DPP10: variants seen among roughly 807,000 people sequenced by gnomAD.
DPP10 encodes dipeptidyl peptidase like 10.
A neutral mutation model predicts 120.9 loss-of-function variants in DPP10; 33 were observed. That is an observed-to-expected ratio of 0.27 (90% CI 0.21 to 0.37). DPP10 has a LOEUF of 0.37. Among genes scored for constraint, DPP10 ranks in the 10% least tolerant of loss-of-function variants. The probability of loss-of-function intolerance (pLI) is 1.00; values close to 1 mark genes in which losing one functional copy is unlikely to be tolerated. For synonymous variants in DPP10, 337 were observed against 326.1 expected (o/e 1.03, Z -0.36); for missense variants, 816 against 942.8 (o/e 0.87, Z 1.76).
At chr2:115,776,862 GTT>G (rs5833636) in intron 13 of DPP10, among the ~76,000 whole-genome samples, 14,651 of 149,502 alleles carry the variant, frequency 0.098, 808 homozygotes, top group Non-Finnish European at 0.12. Flanking sequence ...GTTCTAAAAT[GTT>G]TTTTTTTTTT....
At chr2:115,236,165 A>G (rs183493342) in intron 1 of DPP10, among the ~76,000 whole-genome samples, 4 of 152,338 alleles carry the variant, frequency 2.6e-5, no homozygotes, top group Admixed American at 1.3e-4. Context: ...ACAGTATGCT[A>G]TACATTGTCA....
chr2:115,771,463 A>G (rs934334731), intron 13 of DPP10, among the ~76,000 whole-genome samples: 7 of 152,208 alleles, frequency 4.6e-5, no homozygotes, highest in African/African-American at 1.7e-4. Flanking sequence ...AAAAGCCCTT[A>G]TAAACACTTT....
chr2:115,541,013 T>G (rs10210316), intron 5 of DPP10, among the ~76,000 whole-genome samples: 31,201 of 151,682 alleles, frequency 0.21, 4,429 homozygotes, highest in African/African-American at 0.39. Flanking sequence ...TTGTATTTAT[T>G]GAAGGGATGC....
At chr2:114,572,844 T>G (rs1689761108) in intron 1 of DPP10, among the ~76,000 whole-genome samples, 1 of 152,234 alleles carries the variant, frequency 6.6e-6, no homozygotes, top group African/African-American at 2.4e-5. Context: ...GAGATTCATA[T>G]CACAGCTTTT....
At chr2:114,943,259 A>G (rs573924415) in intron 1 of DPP10, among the ~76,000 whole-genome samples, 11 of 152,150 alleles carry the variant, frequency 7.2e-5, no homozygotes, top group African/African-American at 2.6e-4. Flanking sequence ...ATGGTATTCC[A>G]TGTCGTATAT....
At chr2:115,596,177 A>AT (rs1226301757) in intron 5 of DPP10, among the ~76,000 whole-genome samples, 1 of 152,164 alleles carries the variant, frequency 6.6e-6, no homozygotes, top group Non-Finnish European at 1.5e-5. Context: ...AATATCACAC[A>AT]TAAATATCAC....
chr2:115,306,320 G>T (rs2061357738), intron 1 of DPP10, among the ~76,000 whole-genome samples: 1 of 152,072 alleles, frequency 6.6e-6, no homozygotes. Flanking sequence ...GCATATGAAA[G>T]GGGTTGGATG....
intron 21 of DPP10, among the ~76,000 whole-genome samples, chr2:115,824,457 G>T (rs1325787839): frequency 6.6e-6 from 1 of 152,026 alleles, no homozygotes; most frequent in Non-Finnish European, 1.5e-5. Flanking sequence ...TTGTCCTAAT[G>T]ATCTCCTTTC....
intron 5 of DPP10, among the ~76,000 whole-genome samples, chr2:115,673,751 C>T (rs182527782): frequency 1.3e-4 from 20 of 152,306 alleles, no homozygotes; most frequent in Admixed American, 7.8e-4. Flanking sequence ...TGTGATATAG[C>T]ACTGGGAGGA....
At chr2:115,707,672 G>T (rs1472285533) in intron 7 of DPP10, among the ~76,000 whole-genome samples, 1 of 151,568 alleles carries the variant, frequency 6.6e-6, no homozygotes. Context: ...TATGGGACTA[G>T]TAAAATAAAC....
At chr2:114,703,750 A>G (rs1352845899) in intron 1 of DPP10, among the ~76,000 whole-genome samples, 1 of 152,174 alleles carries the variant, frequency 6.6e-6, no homozygotes, top group Non-Finnish European at 1.5e-5. Flanking sequence ...GTCTGGTTCC[A>G]TAAAATAGAA....
At chr2:114,676,515 A>G (rs1398510970) in intron 1 of DPP10, among the ~76,000 whole-genome samples, 1 of 152,256 alleles carries the variant, frequency 6.6e-6, no homozygotes, top group East Asian at 1.9e-4. Context: ...TCCAAAATAC[A>G]GTGTCACAAC....
chr2:115,602,292 G>T (rs537155040), intron 5 of DPP10, among the ~76,000 whole-genome samples: 19 of 152,220 alleles, frequency 1.2e-4, no homozygotes, highest in Non-Finnish European at 2.2e-4. Context: ...TACAATGACA[G>T]AGTTATACAT....
At chr2:114,779,464 G>A (rs1262360189) in intron 1 of DPP10, among the ~76,000 whole-genome samples, 4 of 152,012 alleles carry the variant, frequency 2.6e-5, no homozygotes, top group African/African-American at 9.7e-5. Context: ...GGGTAGCAGA[G>A]GACTCCTGAT....
At chr2:115,709,437 C>A (rs1047112588) in intron 7 of DPP10, among the ~76,000 whole-genome samples, 1 of 151,984 alleles carries the variant, frequency 6.6e-6, no homozygotes, top group African/African-American at 2.4e-5. Flanking sequence ...AACTGTATTT[C>A]CTGACCTTCA....
At chr2:114,972,037 C>G (rs575118383) in intron 1 of DPP10, among the ~76,000 whole-genome samples, 21 of 152,308 alleles carry the variant, frequency 1.4e-4, no homozygotes, top group African/African-American at 5.1e-4. Flanking sequence ...AGTTGTTTCT[C>G]CACAGATTAT....
rs769519826 is a variant in DPP10, at chr2:115,782,387, G to C, written c.1519G>C (p.Asp507His). 6.2e-7 allele frequency: 1 copy of C among 1,612,164 alleles called. No homozygotes were observed. Among genetic ancestry groups the C allele is most frequent in the Non-Finnish European group, 8.5e-7 (1 of 1,178,516 alleles). The change falls in exon 17 of 26, where the codon GAC becomes CAC. Residue 507 changes from aspartate to histidine, a missense_variant. Around this residue, in one of 3 missense-constraint regions of DPP10, gnomAD observed 592 missense variants for 649.0 expected, o/e 0.91. Coordinates refer to ENST00000410059, the MANE Select transcript of DPP10 (RefSeq NM_020868.6). ...CCCAGTGGTCAGCCTACATAGTACG[G>C]ACAACCCAGCAAGTGAGTACACAAG... ...RVPVVSLHST[D>H]NPAKYFILES...
At chr2:115,467,748 G>A (rs1252127681) in intron 3 of DPP10, among the ~76,000 whole-genome samples, 1 of 152,198 alleles carries the variant, frequency 6.6e-6, no homozygotes, top group Non-Finnish European at 1.5e-5. Context: ...GACACTTGAA[G>A]TGTTGACTTT....
In DPP10 at chr2:114,852,151, C is replaced by CTTTTTTTTTTTTTTTTTT. The variant is rs34580352; in HGVS notation, c.60+409321_60+409338dup. ...GGGAAATTTTTATAGCGATTGCATC[C>CTTTTTTTTTTTTTTTTTT]TTTTTTTTTTTTTTTTTTTTTTTTT... On this transcript the variant is annotated intron_variant, in intron 1 of 25. Transcript: ENST00000410059. 3.7e-5 allele frequency among the ~76,000 whole-genome samples: 2 copies of CTTTTTTTTTTTTTTTTTT among 53,728 alleles called. 1 individual carries two copies. The highest frequency in any genetic ancestry group is 1.7e-4 in the African/African-American group (2 of 11,776). 35.2% of individuals were successfully genotyped at this position (53,728 alleles called of 152,430 possible).
Sources: gnomAD v4.1 joint callset for allele counts (sites outside exome capture counted in the v4.1 genomes callset) on GRCh38, gnomAD v4.1.1 for gene constraint, gnomAD v4.1.1 regional missense constraint, MANE v1.5 for transcripts, NCBI Gene and HGNC (gene_info 2026-07-23, HGNC 2026-07-21) for gene names.